The following SIGLEC7 variants were observed in gnomAD, a reference collection of about 807,000 sequenced individuals.
The protein encoded by SIGLEC7 is sialic acid binding Ig like lectin 7.
A neutral mutation model predicts 40.8 loss-of-function variants in SIGLEC7; 33 were observed. The observed-to-expected ratio is 0.81, with a 90% CI of 0.61 to 1.08. The LOEUF (loss-of-function observed/expected upper bound fraction) is 1.08, where lower values mean the gene tolerates loss of function less well. SIGLEC7 is among the 50% of genes least tolerant of loss of function. SIGLEC7 has a pLI of 0.00. For synonymous variants in SIGLEC7, 242 were observed against 237.6 expected (o/e 1.02, Z -0.17); for missense variants, 513 against 576.1 (o/e 0.89, Z 1.12).
In SIGLEC7 at chr19:51,145,957, G is replaced by A; in HGVS notation, c.863G>A (p.Trp288Ter). 6.2e-7 allele frequency: 1 copy of A among 1,614,212 alleles called. No individual in the cohort carries two copies. The highest frequency in any genetic ancestry group is 8.5e-7 in the Non-Finnish European group (1 of 1,180,038). Reference sequence around the variant, plus strand: ...AGCAATCCCCCTGCCAGGCTGAGCTGGACCTGGAGGAGTCTGACCCTGTAC... The same window carrying A: ...AGCAATCCCCCTGCCAGGCTGAGCTAGACCTGGAGGAGTCTGACCCTGTAC... The part of the protein sequence containing the change: ...VDSNPPARLS[W>*]TWRSLTLYPS... The change falls in exon 4 of 7, where the codon TGG becomes TAG. Residue 288 changes from tryptophan to a stop codon, truncating the protein, a stop_gained. Transcript: ENST00000317643. LOFTEE classifies it high-confidence loss of function. The surrounding 1 kb of genome is among the most constrained non-coding windows in gnomAD (Gnocchi z 4.3).
intron 6 of SIGLEC7, among the ~76,000 whole-genome samples, chr19:51,149,840 T>C: frequency 6.6e-6 from 1 of 152,226 alleles, no homozygotes. Flanking sequence ...TGTTTTGTAA[T>C]TCTCATTGTA....
intron 6 of SIGLEC7, among the ~76,000 whole-genome samples, chr19:51,147,781 C>T (rs192152019): frequency 6.6e-6 from 1 of 152,266 alleles, no homozygotes; most frequent in East Asian, 1.9e-4. Flanking sequence ...CTGTTCCCAC[C>T]CCCAACACTG....
intron 1 of SIGLEC7, chr19:51,143,937 G>T (rs1599830438): frequency 2.1e-6 from 1 of 466,592 alleles, no homozygotes; most frequent in Non-Finnish European, 4.3e-6. Flanking sequence ...TATTACAACT[G>T]AACTGACTCT....
rs75665604 is a variant in SIGLEC7, at chr19:51,144,143, G to A, written c.434-263G>A. 986 of 727,164 alleles carry A rather than the reference G, an allele frequency of 1.4e-3. 5 individuals are homozygous for A. In the African/African-American group the frequency reaches 0.014, roughly 10 times the overall value. 45.0% of individuals were successfully genotyped at this position (727,164 alleles called of 1,614,324 possible). A position where few individuals can be genotyped will look rare whatever the true frequency, so the allele number is the denominator to read the frequency against. On this transcript the variant is annotated intron_variant, in intron 1 of 6. Transcript: ENST00000317643. ...GGATTTGAGGAACTACTACTTCCAG[G>A]TGGAGAGAGGACAGATAAGATGGAA... is the stretch of plus-strand genomic sequence containing the variant.
At chr19:51,143,735 G>A (rs1045168595) in intron 1 of SIGLEC7, 1 of 234,022 alleles carries the variant, frequency 4.3e-6, no homozygotes, top group Admixed American at 5.4e-5. Context: ...AGGAGCCCAG[G>A]AACCCTCTGT....
intron 6 of SIGLEC7, 164 bp from the exon 7 acceptor site, chr19:51,152,899 G>T: frequency 2.0e-6 from 1 of 493,342 alleles, no homozygotes; most frequent in East Asian, 3.1e-5. Flanking sequence ...AAATGAAGGA[G>T]ATTTCTATAA....
At chr19:51,150,396 G>A (rs1411517630) in intron 6 of SIGLEC7, among the ~76,000 whole-genome samples, 1 of 152,184 alleles carries the variant, frequency 6.6e-6, no homozygotes, top group Non-Finnish European at 1.5e-5. Context: ...TGCATCTATT[G>A]AGATAATCAT....
At chr19:51,144,805 C>G in intron 2 of SIGLEC7, 107 bp from the exon 3 acceptor site, 1 of 1,577,164 alleles carries the variant, frequency 6.3e-7, no homozygotes, top group Admixed American at 1.7e-5. Context: ...GTTGTGGGAT[C>G]AGGAGGACGC....
chr19:51,146,390 G>T (rs906024730), intron 4 of SIGLEC7, among the ~76,000 whole-genome samples: 1 of 152,104 alleles, frequency 6.6e-6, no homozygotes, highest in African/African-American at 2.4e-5. Flanking sequence ...TCCAGTGCCT[G>T]GACTAGGGTG....
intron 1 of SIGLEC7, chr19:51,144,132 A>T: frequency 2.8e-6 from 2 of 714,850 alleles, no homozygotes; most frequent in Middle Eastern, 4.8e-4. Context: ...TTGAGGAACT[A>T]CTACTTCCAG....
intron 4 of SIGLEC7, 144 bp downstream of exon 4, chr19:51,146,265 G>A (rs1188648356): frequency 1.8e-6 from 2 of 1,117,376 alleles, no homozygotes; most frequent in Non-Finnish European, 2.6e-6. Context: ...CCAGGGCACT[G>A]CTGTCCTCTT....
intron 6 of SIGLEC7, among the ~76,000 whole-genome samples, chr19:51,150,890 T>C (rs748132239): frequency 3.3e-5 from 5 of 152,098 alleles, no homozygotes; most frequent in Non-Finnish European, 7.4e-5. Context: ...CCTATGTGAA[T>C]TGTGTCTGAC....
At position 51,146,864 on chromosome 19, in the gene SIGLEC7, C is replaced by T; in HGVS notation, c.1124+14C>T. Reference sequence around the variant, plus strand: ...CATCTTCATTGTGTGAGCACTGACCCTAGGGAGGGAGGGAGAGTCCTGGGG... The same window carrying T: ...CATCTTCATTGTGTGAGCACTGACCTTAGGGAGGGAGGGAGAGTCCTGGGG... On this transcript the variant is annotated intron_variant, in intron 5 of 6. Coordinates refer to ENST00000317643, the MANE Select transcript of SIGLEC7 (RefSeq NM_014385.4). The T allele has an allele frequency of 6.2e-7, 1 of 1,610,406 alleles. No homozygotes were observed. The highest frequency in any genetic ancestry group is 2.2e-5 in the East Asian group (1 of 44,844).
In SIGLEC7 at chr19:51,147,278, C is replaced by A; in HGVS notation, c.1182C>A (p.Gly394=). Residue 394 remains glycine, a synonymous_variant, in exon 6 of 7, where the codon GGC becomes GGA. Coordinates refer to ENST00000317643, the MANE Select transcript of SIGLEC7 (RefSeq NM_014385.4). ...ARPAADVGDI[G]MKDANTIRGS... is the part of the protein sequence containing the mutation. The stretch of plus-strand genomic sequence containing the variant: ...CAGCAGCGGACGTGGGAGACATAGG[C>A]ATGAAGGATGCAAACACCATCAGGG... 2 of 1,612,384 alleles carry A rather than the reference C, an allele frequency of 1.2e-6. No individual in the cohort carries two copies. Among genetic ancestry groups the A allele is most frequent in the South Asian group, 2.2e-5 (2 of 91,058 alleles).
At chr19:51,146,668 C>A (rs1297362560) in intron 4 of SIGLEC7, 86 bp from the exon 5 acceptor site, 1 of 1,177,972 alleles carries the variant, frequency 8.5e-7, no homozygotes, top group Non-Finnish European at 1.2e-6. Context: ...TTAGGGTACC[C>A]AAGTTGGGGG....
At position 51,153,240 on chromosome 19, in the gene SIGLEC7, A is replaced by G; in HGVS notation, c.1399A>G (p.Lys467Glu). Residue 467 changes from lysine to glutamate, a missense_variant, in exon 7 of 7, where the codon AAG becomes GAG. By Grantham distance (56) the Lys-to-Glu change is moderately conservative. Coordinates refer to ENST00000317643, the MANE Select transcript of SIGLEC7 (RefSeq NM_014385.4). Reference sequence around the variant, plus strand: ...TGAGTACTCAGAGATCAAGATCCCCAAGTAAGAAAATGCAGAGGCTCGGGC... The same window carrying G: ...TGAGTACTCAGAGATCAAGATCCCCGAGTAAGAAAATGCAGAGGCTCGGGC... ...NNEYSEIKIP[K>E] The G allele has an allele frequency of 1.3e-6, 2 of 1,562,912 alleles. No individual in the cohort carries two copies. The highest frequency in any genetic ancestry group is 8.7e-7 in the Non-Finnish European group (1 of 1,153,098).
Position 51,142,405 on chromosome 19 carries a change from G to A in SIGLEC7, c.36G>A (p.Gly12=), listed in dbSNP as rs1422286644. The A allele has an allele frequency of 1.2e-6, 2 of 1,614,090 alleles. No homozygotes were observed. Among genetic ancestry groups the A allele is most frequent in the African/African-American group, 2.7e-5 (2 of 75,042 alleles). ...TGCTGCTGCTGCCCCTGCTCTGGGG[G>A]AGGGAGAGGGTGGAAGGACAGAAGA... ...LLLLLLPLLW[G]RERVEGQKSN... is the part of the protein sequence containing the mutation. The change falls in exon 1 of 7, where the codon GGG becomes GGA. Residue 12 remains glycine, a synonymous_variant. Coordinates refer to ENST00000317643, the MANE Select transcript of SIGLEC7 (RefSeq NM_014385.4). The surrounding 1 kb of genome is among the most constrained non-coding windows in gnomAD (Gnocchi z 5.0).
intron 4 of SIGLEC7, 41 bp from the exon 5 acceptor site, chr19:51,146,713 C>G: frequency 6.4e-7 from 1 of 1,572,578 alleles, no homozygotes. Flanking sequence ...AGACCCAGTT[C>G]TTGGAGTTGG....
chr19:51,147,142 G>A, intron 5 of SIGLEC7, 79 bp from the exon 6 acceptor site: 1 of 1,597,402 alleles, frequency 6.3e-7, no homozygotes, highest in East Asian at 2.2e-5. Flanking sequence ...GCCCCAACAG[G>A]AAATACAGGG....
Sources: gnomAD v4.1 joint callset for allele counts (sites outside exome capture counted in the v4.1 genomes callset) on GRCh38, gnomAD v4.1.1 for gene constraint, Gnocchi (gnomAD v3.1) non-coding constraint, MANE v1.5 for transcripts, NCBI Gene and HGNC (gene_info 2026-07-23, HGNC 2026-07-21) for gene names.